The following NCOR1 variants were observed in gnomAD, a reference collection of about 807,000 sequenced individuals.
The protein encoded by NCOR1 is protein phosphatase 1, regulatory subunit 109.
In NCOR1, 63 loss-of-function variants were observed where a neutral mutation model predicts 288.1. The ratio of observed to expected loss-of-function variants is 0.22; its 90% CI spans 0.18 to 0.27. The LOEUF is 0.27. NCOR1 is among the 10% of genes least tolerant of loss of function. NCOR1 has a pLI of 1.00. For synonymous variants in NCOR1, 1,007 were observed against 1,065.9 expected (o/e 0.94, Z 1.08); for missense variants, 2,397 against 3,019.2 (o/e 0.79, Z 4.83).
At position 16,048,951 on chromosome 17, in the gene NCOR1, A is replaced by C. The variant is rs750991997; in HGVS notation, c.6430T>G (p.Ser2144Ala). The C allele has an allele frequency of 6.2e-7, 1 of 1,613,060 alleles. No individual in the cohort carries two copies. Among genetic ancestry groups the C allele is most frequent in the South Asian group, 1.1e-5 (1 of 90,950 alleles). Residue 2144 changes from serine (S) to alanine (A), a missense_variant, in exon 41 of 46, where the codon TCG (serine) becomes GCG (alanine). Physicochemically the swap from Ser to Ala is moderately conservative, Grantham distance 99. Coordinates refer to ENST00000268712, the MANE Select transcript of NCOR1 (RefSeq NM_006311.4). ...GKSPERSHVS[S>A]EPYEPISPPQ... ...GGGGAGATGGGCTCGTAGGGCTCCG[A>C]AGAGACGTGACTCCTCTCTGGGGAT...
intron 5 of NCOR1, among the ~76,000 whole-genome samples, chr17:16,161,327 T>TCACTCACTCAC (rs2080830515): frequency 6.6e-6 from 1 of 152,114 alleles, no homozygotes; most frequent in Non-Finnish European, 1.5e-5. Context: ...CTCACTCTTT[T>TCACTCACTCAC]TGCCCAGGCT....
At chr17:16,188,896 G>GC (rs1486507237) in intron 2 of NCOR1, among the ~76,000 whole-genome samples, 2 of 151,378 alleles carry the variant, frequency 1.3e-5, no homozygotes, top group African/African-American at 4.9e-5. Flanking sequence ...ATGGTGGCAG[G>GC]CACATGTAAT....
intron 5 of NCOR1, among the ~76,000 whole-genome samples, chr17:16,161,586 G>A (rs1006003487): frequency 4.6e-5 from 7 of 152,210 alleles, no homozygotes; most frequent in South Asian, 2.1e-4. Flanking sequence ...TTGAGCCACC[G>A]AGCCTGGCCC....
intron 5 of NCOR1, among the ~76,000 whole-genome samples, chr17:16,159,244 T>C (rs2080328711): frequency 6.6e-6 from 1 of 151,524 alleles, no homozygotes; most frequent in African/African-American, 2.4e-5. Context: ...AGAAACCCCA[T>C]CTCTACTAAA....
chr17:16,064,143 G>T lies in NCOR1; in HGVS notation c.5146C>A (p.Arg1716=). ...CGCTCCTTCTCCCGCTCCCGTTCCC[G>T]TTCCCTCTCAGCACTTGCAGCAGCT... The part of the protein sequence containing the change: ...LAAAASAERE[R]EREREKERER... Residue 1716 remains arginine, a synonymous_variant, in exon 35 of 46, where the codon CGG becomes AGG. Transcript: ENST00000268712. 6.2e-7 allele frequency: 1 copy of T among 1,614,018 alleles called. No individual in the cohort carries two copies. Among genetic ancestry groups the T allele is most frequent in the Non-Finnish European group, 8.5e-7 (1 of 1,179,974 alleles).
chr17:16,106,854 CATATATATATATAT>C (rs1162344281), intron 19 of NCOR1, among the ~76,000 whole-genome samples: 15 of 46,146 alleles, frequency 3.3e-4, no homozygotes, highest in African/African-American at 1.5e-3. Flanking sequence ...CTTGATCAGA[CATATATATATATAT>C]ATATATATAT....
chr17:16,186,582 G>A lies in NCOR1; in HGVS notation c.214C>T (p.Leu72Phe). The change falls in exon 3 of 46, where the codon CTT (leucine) becomes TTT (phenylalanine). Residue 72 changes from leucine to phenylalanine, a missense_variant. Physicochemically the swap from Leu to Phe is conservative, Grantham distance 22. Transcript: ENST00000268712. The stretch of plus-strand genomic sequence containing the variant: ...TCAGAACCTGGGTGAAATTCTGAAA[G>A]CAAGGAAGGTCGCCTTCGAAGCTGT... ...QQQLRRRPSL[L>F]SEFHPGSDRP... 1 of 1,614,056 alleles carries A rather than the reference G, an allele frequency of 6.2e-7. No individual in the cohort carries two copies. Among genetic ancestry groups the A allele is most frequent in the East Asian group, 2.2e-5 (1 of 44,862 alleles).
Position 16,071,639 on chromosome 17 carries a change from A to G in NCOR1, c.3922T>C (p.Phe1308Leu). 1 of 1,613,272 alleles carries G rather than the reference A, an allele frequency of 6.2e-7. No individual in the cohort carries two copies. Among genetic ancestry groups the G allele is most frequent in the African/African-American group, 1.3e-5 (1 of 74,886 alleles). ...TTGGGATATTTAAGGCCATCTTCAA[A>G]GCTTTCAGTTGTTGCTCTTGGTGTC... ...QGTPRATTES[F>L]EDGLKYPKQI... The change falls in exon 30 of 46, where the codon TTT becomes CTT. Residue 1308 changes from phenylalanine to leucine, a missense_variant. Transcript: ENST00000268712.
chr17:16,069,076 T>G (rs114789136), intron 31 of NCOR1, among the ~76,000 whole-genome samples: 1,709 of 152,244 alleles, frequency 0.011, 38 homozygotes, highest in African/African-American at 0.039. Flanking sequence ...ATTTTAGCCA[T>G]TTTAAAGGGT....
chr17:16,157,709 T>C (rs1414391649), intron 6 of NCOR1, among the ~76,000 whole-genome samples: 1 of 150,848 alleles, frequency 6.6e-6, no homozygotes, highest in Non-Finnish European at 1.5e-5. Context: ...TCCCACAGTA[T>C]AAAGCATATT....
rs1360780991 is a variant in NCOR1 at position 16,071,624 on chromosome 17, T to C, written c.3937A>G (p.Lys1313Glu). The C allele has an allele frequency of 6.2e-7, 1 of 1,614,138 alleles. No homozygotes were observed. The highest frequency in any genetic ancestry group is 8.5e-7 in the Non-Finnish European group (1 of 1,180,006). Residue 1313 changes from lysine (K) to glutamate (E), a missense_variant, in exon 30 of 46, where the codon AAA becomes GAA. Physicochemically the swap from Lys to Glu is moderately conservative, Grantham distance 56. This residue lies in a region of NCOR1 where 1,872 missense variants were observed against 2,187.8 expected (regional missense o/e 0.86). Transcript: ENST00000268712. ...TCCCTTTTAATTTGTTTGGGATATT[T>C]AAGGCCATCTTCAAAGCTTTCAGTT... ...ATTESFEDGLKYPKQIKRESP... is the reference protein window; with the variant it reads ...ATTESFEDGLEYPKQIKRESP...
At chr17:16,088,468 C>A (rs2064607210) in intron 22 of NCOR1, among the ~76,000 whole-genome samples, 1 of 152,132 alleles carries the variant, frequency 6.6e-6, no homozygotes, top group Non-Finnish European at 1.5e-5. Context: ...ACCTAATGAA[C>A]TTTCCTTTTA....
Position 16,139,051 on chromosome 17 carries a change from T to C in NCOR1, c.1309A>G (p.Met437Val). The C allele has an allele frequency of 1.2e-6, 2 of 1,605,012 alleles. No homozygotes were observed. The highest frequency in any genetic ancestry group is 8.5e-7 in the Non-Finnish European group (1 of 1,174,660). Residue 437 changes from methionine (M) to valine (V), a missense_variant, in exon 12 of 46, where the codon ATG becomes GTG. Met to Val is a conservative substitution (Grantham distance 21). Transcript: ENST00000268712. ...PMKVYKDRQF[M>V]NVWTDHEKEI... ...TTTTCATGGTCAGTCCAAACATTCA[T>C]AAACTGCCTATCTTTATACACTTTC...
intron 14 of NCOR1, among the ~76,000 whole-genome samples, chr17:16,132,927 CTTCT>C (rs2153228433): frequency 6.7e-6 from 1 of 148,384 alleles, no homozygotes; most frequent in South Asian, 2.2e-4. Context: ...CCTTCTTCTT[CTTCT>C]TTTTTCCCTC....
rs571372517 is a variant in NCOR1, at chr17:16,106,382, T to A, written c.2182+2404A>T. ...AAAGAGTAGGAAGGTTTCCAAGGCA[T>A]AATGTTTCACCAAGCAGTAGCCAAA... On this transcript the variant is annotated intron_variant, in intron 19 of 45. Transcript: ENST00000268712. Among the ~76,000 whole-genome samples the A allele has an allele frequency of 2.6e-5, 4 of 152,096 alleles. No homozygotes were observed. The East Asian group carries it at 7.7e-4, about 29-fold the overall frequency.
chr17:16,144,167 T>C, intron 10 of NCOR1, among the ~76,000 whole-genome samples: 1 of 152,230 alleles, frequency 6.6e-6, no homozygotes, highest in East Asian at 1.9e-4. Flanking sequence ...GTAAAATATC[T>C]GTTTGCTAAA....
intron 27 of NCOR1, 49 bp from the exon 28 acceptor site, chr17:16,073,618 A>C (rs2062018346): frequency 6.9e-7 from 1 of 1,447,426 alleles, no homozygotes; most frequent in African/African-American, 1.4e-5. Flanking sequence ...CATGGTATAC[A>C]ATGTACAGTA....
chr17:16,183,883 T>C (rs756357906), intron 3 of NCOR1, among the ~76,000 whole-genome samples: 14 of 152,138 alleles, frequency 9.2e-5, no homozygotes, highest in South Asian at 8.3e-4. Flanking sequence ...GGCATAAAAA[T>C]AGACACACTG....
chr17:16,107,095 C>T (rs1010021537), intron 19 of NCOR1, among the ~76,000 whole-genome samples: 10 of 151,466 alleles, frequency 6.6e-5, no homozygotes, highest in Non-Finnish European at 1.3e-4. Flanking sequence ...CGGGGTTTCA[C>T]CGTGTTAGCC....
Sources: gnomAD v4.1 joint callset for allele counts (sites outside exome capture counted in the v4.1 genomes callset) on GRCh38, gnomAD v4.1.1 for gene constraint, gnomAD v4.1.1 regional missense constraint, MANE v1.5 for transcripts, NCBI Gene and HGNC (gene_info 2026-07-23, HGNC 2026-07-21) for gene names.